The following VIRMA variants were observed in gnomAD, a reference collection of about 807,000 sequenced individuals.
VIRMA encodes the protein protein virilizer homolog.
A neutral mutation model predicts 182.4 loss-of-function variants in VIRMA; 65 were observed. The ratio of observed to expected loss-of-function variants is 0.36; its 90% CI spans 0.29 to 0.44. The LOEUF is 0.44. Among genes scored for constraint, VIRMA ranks in the 20% least tolerant of loss-of-function variants. VIRMA has a pLI of 1.00. For synonymous variants in VIRMA, 709 were observed against 743.1 expected (o/e 0.95, Z 0.75); for missense variants, 1,752 against 2,158.1 (o/e 0.81, Z 3.73).
intron 17 of VIRMA, 60 bp from the exon 18 acceptor site, chr8:94,496,540 C>T (rs1813784174): frequency 3.6e-6 from 5 of 1,388,422 alleles, no homozygotes. Context: ...GATGCATCCA[C>T]ACTTATTCAT....
intron 2 of VIRMA, among the ~76,000 whole-genome samples, chr8:94,540,071 A>G (rs1379729523): frequency 6.6e-6 from 1 of 152,228 alleles, no homozygotes; most frequent in African/African-American, 2.4e-5. Flanking sequence ...AAATGGACAA[A>G]GACACACCAT....
At chr8:94,521,530 ACTT>A (rs1324856311) in intron 8 of VIRMA, among the ~76,000 whole-genome samples, 3 of 152,104 alleles carry the variant, frequency 2.0e-5, no homozygotes, top group Non-Finnish European at 2.9e-5. Context: ...CTTAATGAAA[ACTT>A]CTTAATTTTT....
chr8:94,500,810 T>C (rs78272463), intron 16 of VIRMA, among the ~76,000 whole-genome samples: 4,390 of 152,200 alleles, frequency 0.029, 217 homozygotes, highest in African/African-American at 0.1. Flanking sequence ...CAAAGCTTTA[T>C]TCATAACCAC....
At position 94,519,423 on chromosome 8, in the gene VIRMA, G is replaced by A; in HGVS notation, c.2075C>T (p.Pro692Leu). The change falls in exon 9 of 24, where the codon CCA becomes CTA. Residue 692 changes from proline (P) to leucine (L), a missense_variant. Coordinates refer to ENST00000297591, the MANE Select transcript of VIRMA (RefSeq NM_015496.5). Reference sequence around the variant, plus strand: ...CACACCAGGGTGAGCACTTGTTACTGGAATTGACAGAAGCAAGGTAACCAA... The same window carrying A: ...CACACCAGGGTGAGCACTTGTTACTAGAATTGACAGAAGCAAGGTAACCAA... ...LELVTLLLSI[P>L]VTSAHPGVLQ... 1 of 1,529,656 alleles carries A rather than the reference G, an allele frequency of 6.5e-7. No individual in the cohort carries two copies. Among genetic ancestry groups the A allele is most frequent in the Non-Finnish European group, 8.7e-7 (1 of 1,143,860 alleles). The allele number at this position is 1,529,656 out of a possible 1,614,324, so 94.8% of individuals were successfully genotyped here. A position where few individuals can be genotyped will look rare whatever the true frequency, so the allele number is the denominator to read the frequency against.
chr8:94,541,306 G>C (rs1455523074), intron 2 of VIRMA, among the ~76,000 whole-genome samples: 1 of 151,872 alleles, frequency 6.6e-6, no homozygotes, highest in African/African-American at 2.4e-5. Flanking sequence ...ATTTTTTGTA[G>C]AGATGAGGTC....
chr8:94,509,585 C>T (rs1437922485), intron 15 of VIRMA, 103 bp downstream of exon 15: 1 of 1,177,802 alleles, frequency 8.5e-7, no homozygotes. Flanking sequence ...TAGATGACAG[C>T]TGTTCATTCA....
chr8:94,499,894 C>A (rs1189973231), intron 16 of VIRMA, among the ~76,000 whole-genome samples: 3 of 150,962 alleles, frequency 2.0e-5, no homozygotes, highest in Non-Finnish European at 1.5e-5. Flanking sequence ...AAAAAAAATA[C>A]AAAAATTAAC....
At chr8:94,533,188 A>G (rs1351088008) in intron 5 of VIRMA, among the ~76,000 whole-genome samples, 1 of 151,828 alleles carries the variant, frequency 6.6e-6, no homozygotes, top group Non-Finnish European at 1.5e-5. Context: ...AAAGCACAGA[A>G]AAATGAAGGA....
intron 17 of VIRMA, chr8:94,498,900 A>G (rs1015985745): frequency 1.3e-5 from 2 of 152,422 alleles, no homozygotes; most frequent in South Asian, 2.1e-4. Context: ...CAACATGGTG[A>G]AATCCCATCT....
At position 94,509,776 on chromosome 8, in the gene VIRMA, A is replaced by G. The variant is rs978980186; in HGVS notation, c.3791T>C (p.Leu1264Ser). The G allele has an allele frequency of 6.2e-7, 1 of 1,614,034 alleles. No homozygotes were observed. The highest frequency in any genetic ancestry group is 8.5e-7 in the Non-Finnish European group (1 of 1,179,900). Reference protein sequence around the residue: ...ERYAEIFQDLLALVRSPGDSV... With the variant: ...ERYAEIFQDLSALVRSPGDSV... Reference sequence around the variant, plus strand: ...GTCTCCAGGAGACCGCACCAAAGCTAAAAGATCCTGGAATATCTCTGCATA... The same window carrying G: ...GTCTCCAGGAGACCGCACCAAAGCTGAAAGATCCTGGAATATCTCTGCATA... Residue 1264 changes from leucine to serine, a missense_variant, in exon 15 of 24, where the codon TTA becomes TCA. Leu to Ser is a moderately radical substitution (Grantham distance 145, BLOSUM62 -2). Transcript: ENST00000297591.
chr8:94,496,048 C>T (rs1813762858), intron 18 of VIRMA, 157 bp from the exon 19 acceptor site: 2 of 659,178 alleles, frequency 3.0e-6, no homozygotes, highest in African/African-American at 1.8e-5. Context: ...ATAAAACAAA[C>T]ACCAAAACAC....
chr8:94,506,808 A>G (rs1814168039), intron 15 of VIRMA, 91 bp from the exon 16 acceptor site: 1 of 692,554 alleles, frequency 1.4e-6, no homozygotes, highest in East Asian at 2.7e-5. Context: ...TTAATATTCA[A>G]TAACTATCTC....
intron 20 of VIRMA, among the ~76,000 whole-genome samples, chr8:94,494,654 A>T (rs1356217026): frequency 6.6e-6 from 1 of 151,002 alleles, no homozygotes; most frequent in Admixed American, 6.6e-5. Context: ...CAAAATACAG[A>T]TCACTAACTA....
rs139312864 is a variant in VIRMA at position 94,494,792 on chromosome 8, TG to T, written c.4641+67del. On this transcript the variant is annotated intron_variant, in intron 20 of 23. Transcript: ENST00000297591. ...CCATAAAATATGGAAACTATTATAA[TG>T]CTAACAATATATAAAGAAACAGAAA... The T allele has an allele frequency of 6.2e-3, 5,887 of 950,342 alleles. 243 individuals carry two copies. The African/African-American group carries it at 0.087, about 14-fold the overall frequency. The allele number at this position is 950,342 out of a possible 1,614,324, so 58.9% of individuals were successfully genotyped here.
chr8:94,511,778 A>G (rs1054062337), intron 12 of VIRMA, 49 bp from the exon 13 acceptor site: 5 of 1,177,460 alleles, frequency 4.2e-6, no homozygotes, highest in Middle Eastern at 2.4e-4. Flanking sequence ...TTATATGTTA[A>G]TAACTGATTA....
At chr8:94,546,777 G>T in intron 1 of VIRMA, 1 of 369,632 alleles carries the variant, frequency 2.7e-6, no homozygotes, top group Non-Finnish European at 5.3e-6. Context: ...TGCATCCTGT[G>T]CTTCTTTCTT....
At chr8:94,503,485 A>G (rs1814060637) in intron 16 of VIRMA, among the ~76,000 whole-genome samples, 1 of 152,336 alleles carries the variant, frequency 6.6e-6, no homozygotes, top group South Asian at 2.1e-4. Flanking sequence ...GACATTCTAC[A>G]AAACAAGTGA....
chr8:94,511,521 C>T lies in VIRMA; in HGVS notation c.3054G>A (p.Thr1018=), dbSNP rs374005710. 12 of 1,614,114 alleles carry T rather than the reference C, an allele frequency of 7.4e-6. No individual in the cohort carries two copies. The highest frequency in any genetic ancestry group is 2.7e-5 in the African/African-American group (2 of 75,044). The change falls in exon 13 of 24, where the codon ACG becomes ACA. Residue 1018 remains threonine, a synonymous_variant. Transcript: ENST00000297591. ...CAAAGGATCCACCTCTCAGGAGTTC[C>T]GTTAACATAGTTTTAAGAAGAGTGA... The part of the protein sequence containing the change: ...CTLTLLKTML[T]ELLRGGSFEF...
chr8:94,499,514 T>G lies in VIRMA; in HGVS notation c.4098-8A>C. On this transcript the variant is annotated splice_region_variant and splice_polypyrimidine_tract_variant and intron_variant, in intron 16 of 23. Coordinates refer to ENST00000297591, the MANE Select transcript of VIRMA (RefSeq NM_015496.5). Reference sequence around the variant, plus strand: ...CTGTTTTTCCTTAAAGAACTGTAAATAAAGAAAATAAAGAGAAGATATTAT... The same window carrying G: ...CTGTTTTTCCTTAAAGAACTGTAAAGAAAGAAAATAAAGAGAAGATATTAT... The G allele has an allele frequency of 2.1e-6, 3 of 1,417,128 alleles. No homozygotes were observed. 87.8% of individuals were successfully genotyped at this position (1,417,128 alleles called of 1,614,324 possible). A position where few individuals can be genotyped will look rare whatever the true frequency, so the allele number is the denominator to read the frequency against.
Sources: gnomAD v4.1 joint callset for allele counts (sites outside exome capture counted in the v4.1 genomes callset) on GRCh38, gnomAD v4.1.1 for gene constraint, MANE v1.5 for transcripts, NCBI Gene and HGNC (gene_info 2026-07-23, HGNC 2026-07-21) for gene names.